Variants in ADRA1B observed in about 807,000 individuals in gnomAD.
ADRA1B encodes alpha-1B adrenergic receptor.
In ADRA1B, 17 loss-of-function variants were observed where a neutral mutation model predicts 17.9. The ratio of observed to expected loss-of-function variants is 0.95; its 90% confidence interval spans 0.65 to 1.42. The LOEUF (loss-of-function observed/expected upper bound fraction) is 1.42, where lower values mean the gene tolerates loss of function less well. Among genes scored for constraint, ADRA1B ranks in the 40% most tolerant of loss-of-function variants. The pLI is 0.00. For synonymous variants in ADRA1B, 366 were observed against 327.6 expected, an observed-to-expected ratio of 1.12 and a Z score of -1.27; for missense variants, 681 against 722.1, an observed-to-expected ratio of 0.94 and a Z score of 0.65.
chr5:159,907,098 T>A (rs898714608), intron 1 of ADRA1B, among the ~76,000 whole-genome samples: 1 of 152,144 alleles, frequency 6.6e-6, no homozygotes, highest in African/African-American at 2.4e-5. Flanking sequence ...TGACACTAAT[T>A]GTACCAATGG....
At chr5:159,973,081 T>G (rs1023051112), downstream of ADRA1B, among the ~76,000 whole-genome samples, 1 of 152,240 alleles carries the variant, frequency 6.6e-6, no homozygotes, top group African/African-American at 2.4e-5. Context: ...CGCTTCGGAT[T>G]TGACCCGGTC....
chr5:159,925,773 C>T (rs772263763), intron 1 of ADRA1B, among the ~76,000 whole-genome samples: 4 of 152,190 alleles, frequency 2.6e-5, no homozygotes, highest in Non-Finnish European at 5.9e-5. Flanking sequence ...TTCCCAAAAA[C>T]GTCCATGGCC....
At chr5:159,903,582 T>C (rs59274432) in intron 1 of ADRA1B, among the ~76,000 whole-genome samples, 7,523 of 152,202 alleles carry the variant, frequency 0.049, 755 homozygotes, top group East Asian at 0.46. Flanking sequence ...TTGGATCCAC[T>C]GGTAATGGCC....
intron 1 of ADRA1B, among the ~76,000 whole-genome samples, chr5:159,954,531 T>A (rs1755517042): frequency 6.6e-6 from 1 of 152,148 alleles, no homozygotes; most frequent in Non-Finnish European, 1.5e-5. Context: ...CCATTGCGCT[T>A]GGTATGAGTG....
At position 159,916,780 on chromosome 5, in the gene ADRA1B, C is replaced by T. The variant is rs1754321610; in HGVS notation, c.-126C>T. 2.0e-5 allele frequency: 19 copies of T among 943,484 alleles called. 1 individual carries two copies. In the South Asian group the frequency reaches 2.9e-4, roughly 15 times the overall value. The allele number at this position is 943,484 out of a possible 1,614,324, so 58.4% of individuals were successfully genotyped here. A position where few individuals can be genotyped will look rare whatever the true frequency, so the allele number is the denominator to read the frequency against. ...CTGGGCTGCCCGGGGGAGATGACTC[C>T]TCGCCAGGAGGGCGCCTCTGGGAAG... On this transcript the variant is annotated 5_prime_UTR_variant, in exon 1 of 2. Coordinates refer to ENST00000306675, the MANE Select transcript of ADRA1B (RefSeq NM_000679.4).
chr5:159,986,834 T>C, the ADRA1B span, among the ~76,000 whole-genome samples: 4 of 152,190 alleles, frequency 2.6e-5, no homozygotes, highest in Non-Finnish European at 4.4e-5. Context: ...CCAGCTTACA[T>C]TGCCGGGTAA....
At chr5:159,983,603 C>T in the ADRA1B span, among the ~76,000 whole-genome samples, 4 of 152,162 alleles carry the variant, frequency 2.6e-5, no homozygotes, top group African/African-American at 9.7e-5. Context: ...AGGGTGCCAG[C>T]CGAACCGAAA....
chr5:159,982,212 G>T, the ADRA1B span, among the ~76,000 whole-genome samples: 7 of 152,232 alleles, frequency 4.6e-5, no homozygotes, highest in Non-Finnish European at 1.0e-4. Context: ...TAATGGTGAT[G>T]AAAGTAACAA....
chr5:159,901,401 G>T (rs1754098801), intron 1 of ADRA1B, among the ~76,000 whole-genome samples: 1 of 120,766 alleles, frequency 8.3e-6, no homozygotes, highest in Admixed American at 8.8e-5. Flanking sequence ...GGAGGAGGAG[G>T]AGGAAGGGGA....
At chr5:159,941,913 G>C (rs941729667) in intron 1 of ADRA1B, among the ~76,000 whole-genome samples, 6 of 149,082 alleles carry the variant, frequency 4.0e-5, no homozygotes, top group Middle Eastern at 3.4e-3. Flanking sequence ...AATGGGTACT[G>C]GGTTTCTTTT....
intron 1 of ADRA1B, among the ~76,000 whole-genome samples, chr5:159,940,415 A>G (rs945706605): frequency 2.0e-5 from 3 of 151,872 alleles, no homozygotes; most frequent in African/African-American, 4.8e-5. Context: ...TTCAGCAAGA[A>G]CCCTGTTAGT....
downstream of ADRA1B, among the ~76,000 whole-genome samples, chr5:159,974,812 C>T (rs1755947674): frequency 6.6e-6 from 1 of 151,980 alleles, no homozygotes; most frequent in Non-Finnish European, 1.5e-5. Context: ...GGTTTATATG[C>T]TCTGAACTGG....
chr5:159,966,655 G>A (rs1755780416), intron 1 of ADRA1B, among the ~76,000 whole-genome samples: 2 of 152,228 alleles, frequency 1.3e-5, no homozygotes, highest in African/African-American at 4.8e-5. Context: ...GGGAGTTGTA[G>A]GGAAAATGTC....
chr5:159,931,512 A>T (rs1382462122), intron 1 of ADRA1B, among the ~76,000 whole-genome samples: 1 of 152,210 alleles, frequency 6.6e-6, no homozygotes, highest in Non-Finnish European at 1.5e-5. Flanking sequence ...TCGTTTCAAA[A>T]TGAGAAGAAT....
At chr5:159,986,700 C>A in the ADRA1B span, among the ~76,000 whole-genome samples, 2 of 152,098 alleles carry the variant, frequency 1.3e-5, no homozygotes, top group African/African-American at 2.4e-5. Flanking sequence ...GGTCCATGGA[C>A]CAGATATTGA....
At chr5:159,896,684 G>T (rs1754044365) in intron 1 of ADRA1B, among the ~76,000 whole-genome samples, 1 of 152,160 alleles carries the variant, frequency 6.6e-6, no homozygotes, top group Non-Finnish European at 1.5e-5. Context: ...TTTATGATGT[G>T]ATCATCTCAG....
At chr5:159,966,841 C>T (rs115480111) in intron 1 of ADRA1B, among the ~76,000 whole-genome samples, 122 of 152,210 alleles carry the variant, frequency 8.0e-4, no homozygotes, top group Admixed American at 2.1e-3. Flanking sequence ...CACTGCAGTC[C>T]GTAATAGCCA....
At chr5:159,881,805 A>G (rs757859610) in intron 1 of ADRA1B, among the ~76,000 whole-genome samples, 15 of 152,164 alleles carry the variant, frequency 9.9e-5, no homozygotes, top group Non-Finnish European at 2.1e-4. Context: ...AGAGAAGTAT[A>G]CTATCCTAGG....
chr5:159,920,045 T>C (rs912574571), intron 1 of ADRA1B, among the ~76,000 whole-genome samples: 5 of 152,182 alleles, frequency 3.3e-5, no homozygotes, highest in African/African-American at 1.2e-4. Flanking sequence ...TCAGAATCAC[T>C]TGTGAAACTT....
Sources: allele counts gnomAD v4.1 joint callset (sites outside exome capture counted in the v4.1 genomes callset), GRCh38; gene constraint gnomAD v4.1.1; transcripts MANE v1.5; gene names NCBI Gene and HGNC (gene_info 2026-07-23, HGNC 2026-07-21).